Variants in CYP1A2 observed in about 807,000 individuals in gnomAD.
CYP1A2 encodes cytochrome P450 1A2.
Under a neutral mutation model 34.7 loss-of-function variants are expected in CYP1A2, and 35 were observed. The ratio of observed to expected loss-of-function variants is 1.01; its 90% CI spans 0.77 to 1.34. The LOEUF (loss-of-function observed/expected upper bound fraction) is 1.34, where lower values mean the gene tolerates loss of function less well. Ranked by LOEUF, CYP1A2 falls within the 40% of genes most tolerant of loss-of-function variation. CYP1A2 has a pLI of 0.00. For synonymous variants in CYP1A2, 288 were observed against 281.9 expected, an observed-to-expected ratio of 1.02 and a Z score of -0.22; for missense variants, 675 against 675.8, an observed-to-expected ratio of 1.00 and a Z score of 0.01.
chr15:74,754,902 G>A lies in CYP1A2; in HGVS notation c.1365G>A (p.Lys455=), dbSNP rs1327857313. The A allele has an allele frequency of 6.2e-7, 1 of 1,614,248 alleles. No individual in the cohort carries two copies. Among genetic ancestry groups the A allele is most frequent in the Non-Finnish European group, 8.5e-7 (1 of 1,180,058 alleles). ...AGATGATGCTGTTTGGCATGGGCAA[G>A]CGCCGGTGTATCGGGGAAGTCCTGG... ...SEKMMLFGMG[K]RRCIGEVLAK... Residue 455 remains lysine, a synonymous_variant, in exon 7 of 7, where the codon AAG becomes AAA. Coordinates refer to ENST00000343932, the MANE Select transcript of CYP1A2 (RefSeq NM_000761.5).
At position 74,753,173 on chromosome 15, in the gene CYP1A2, TC is replaced by T. The variant is rs2063324248; in HGVS notation, c.1167-8del. The T allele has an allele frequency of 2.5e-6, 4 of 1,612,314 alleles. No individual in the cohort carries two copies. The East Asian group carries it at 8.9e-5, about 36-fold the overall frequency. On this transcript the variant is annotated splice_polypyrimidine_tract_variant and intron_variant, in intron 5 of 6. Coordinates refer to ENST00000343932, the MANE Select transcript of CYP1A2 (RefSeq NM_000761.5). Reference sequence around the variant, plus strand: ...AGCCCTGAGCCTCACAGTGCCCTCTTCCCTCCTCAGCACAACAAGGGACACA... The same window carrying T: ...AGCCCTGAGCCTCACAGTGCCCTCTTCCTCCTCAGCACAACAAGGGACACA...
rs2063338927 is a variant in CYP1A2 at position 74,756,561 on chromosome 15, G to A, written c.*1473G>A. Reference sequence around the variant, plus strand: ...ATCTACTTTCTGTGTCTATGGATTTGCCTTCTCTAAACATTTCATATAAAT... The same window carrying A: ...ATCTACTTTCTGTGTCTATGGATTTACCTTCTCTAAACATTTCATATAAAT... On this transcript the variant is annotated 3_prime_UTR_variant, in exon 7 of 7. Coordinates refer to ENST00000343932, the MANE Select transcript of CYP1A2 (RefSeq NM_000761.5). 6.6e-6 allele frequency among the ~76,000 whole-genome samples: 1 copy of A among 152,124 alleles called. No individual in the cohort carries two copies. The highest frequency in any genetic ancestry group is 2.4e-5 in the African/African-American group (1 of 41,410).
In CYP1A2 at chr15:74,749,691, T is replaced by C. The variant is rs1331134055; in HGVS notation, c.-9-39T>C. 4 of 1,448,122 alleles carry C rather than the reference T, an allele frequency of 2.8e-6. No homozygotes were observed. The South Asian group carries it at 5.5e-5, about 20-fold the overall frequency. The allele number at this position is 1,448,122 out of a possible 1,614,324, so 89.7% of individuals were successfully genotyped here. A position where few individuals can be genotyped will look rare whatever the true frequency, so the allele number is the denominator to read the frequency against. ...GGAAATGAATGAATGAATGTCTCCA[T>C]CTCAACCCTCAGCCTGGTCCCTCCT... On this transcript the variant is annotated intron_variant, in intron 1 of 6. Coordinates refer to ENST00000343932, the MANE Select transcript of CYP1A2 (RefSeq NM_000761.5).
Position 74,752,186 on chromosome 15 carries a change from G to A in CYP1A2, c.1105G>A (p.Glu369Lys). ...TGACAGACCCCAGCTGCCCTACTTG[G>A]AGGCCTTCATCCTGGAGACCTTCCG... Reference protein sequence around the residue: ...LSDRPQLPYLEAFILETFRHS... With the variant: ...LSDRPQLPYLKAFILETFRHS... The change falls in exon 5 of 7, where the codon GAG becomes AAG. Residue 369 changes from glutamate to lysine, a missense_variant. Glu to Lys is a moderately conservative substitution (Grantham distance 56). Coordinates refer to ENST00000343932, the MANE Select transcript of CYP1A2 (RefSeq NM_000761.5). 1 of 1,614,016 alleles carries A rather than the reference G, an allele frequency of 6.2e-7. No homozygotes were observed. Among genetic ancestry groups the A allele is most frequent in the African/African-American group, 1.3e-5 (1 of 74,976 alleles).
At chr15:74,751,642 G>A (rs2063315916) in intron 3 of CYP1A2, 123 bp from the exon 4 acceptor site, 2 of 1,002,670 alleles carry the variant, frequency 2.0e-6, no homozygotes, top group Non-Finnish European at 3.0e-6. Flanking sequence ...TCTGTCTTCA[G>A]GAAACTCACA....
chr15:74,749,663 T>C, intron 1 of CYP1A2, 67 bp from the exon 2 acceptor site: 4 of 1,304,182 alleles, frequency 3.1e-6, no homozygotes, highest in Non-Finnish European at 4.2e-6. Flanking sequence ...ATCAAATGAC[T>C]GAGGAAATGA....
At chr15:74,749,056 G>A (rs2141735710) in intron 1 of CYP1A2, among the ~76,000 whole-genome samples, 159 bp downstream of exon 1, 1 of 152,306 alleles carries the variant, frequency 6.6e-6, no homozygotes, top group South Asian at 2.1e-4. Context: ...GATTTTAAAT[G>A]AGCAGTTTGG....
chr15:74,752,985 A>G (rs1457258052), intron 5 of CYP1A2, among the ~76,000 whole-genome samples, 199 bp from the exon 6 acceptor site: 1 of 147,460 alleles, frequency 6.8e-6, no homozygotes, highest in Non-Finnish European at 1.5e-5. Context: ...AGAGAAGTTT[A>G]GTAAATACTT....
rs2063336952 is a variant in CYP1A2 at position 74,756,101 on chromosome 15, C to T, written c.*1013C>T. 1 of 148,484 alleles carries T rather than the reference C, an allele frequency of 6.7e-6. No homozygotes were observed. The highest frequency in any genetic ancestry group is 6.8e-5 in the Admixed American group (1 of 14,660). 9.2% of individuals were successfully genotyped at this position (148,484 alleles called of 1,614,324 possible). On this transcript the variant is annotated 3_prime_UTR_variant, in exon 7 of 7. Coordinates refer to ENST00000343932, the MANE Select transcript of CYP1A2 (RefSeq NM_000761.5). ...AAGTGCTGGGATTAACAGGTATGAA[C>T]CACCGCGCCCAGCCTTTTTGTTTTT...
chr15:74,752,390 G>T, intron 5 of CYP1A2, 143 bp downstream of exon 5: 1 of 1,186,318 alleles, frequency 8.4e-7, no homozygotes, highest in South Asian at 1.5e-5. Context: ...CCCCCATCCA[G>T]TCCAAACATA....
chr15:74,750,716 C>A, intron 2 of CYP1A2, 147 bp downstream of exon 2: 1 of 665,192 alleles, frequency 1.5e-6, no homozygotes, highest in Non-Finnish European at 2.5e-6. Context: ...TGACCTGGAG[C>A]CGACTCTTCC....
At chr15:74,749,618 G>T in intron 1 of CYP1A2, 112 bp from the exon 2 acceptor site, 1 of 900,054 alleles carries the variant, frequency 1.1e-6, no homozygotes. Flanking sequence ...CTGGTATCCA[G>T]CTGGGAGCCA....
Position 74,751,766 on chromosome 15 carries a change from A to T in CYP1A2, c.954A>T (p.Gly318=). ...CTCACCTTACACTACACGGTTCAGG[A>T]TTTGACACAGTCACCACAGCCATCT... ...VNLVNDIFGA[G]FDTVTTAISW... The change falls in exon 4 of 7, where the codon GGA becomes GGT. Residue 318 remains glycine (G), a splice_region_variant and synonymous_variant. Coordinates refer to ENST00000343932, the MANE Select transcript of CYP1A2 (RefSeq NM_000761.5). The T allele has an allele frequency of 6.2e-7, 1 of 1,613,876 alleles. No homozygotes were observed. The highest frequency in any genetic ancestry group is 1.3e-5 in the African/African-American group (1 of 75,006).
intron 6 of CYP1A2, among the ~76,000 whole-genome samples, chr15:74,754,539 T>G (rs1232045231): frequency 1.4e-5 from 2 of 143,290 alleles, no homozygotes; most frequent in Non-Finnish European, 3.0e-5. Flanking sequence ...GCAGAGAGAG[T>G]GCAGTGAGCT....
chr15:74,751,703 G>C, intron 3 of CYP1A2, 62 bp from the exon 4 acceptor site: 6 of 1,514,964 alleles, frequency 4.0e-6, no homozygotes, highest in Non-Finnish European at 5.5e-6. Flanking sequence ...CAGATACTTG[G>C]GAAATGATGG....
intron 6 of CYP1A2, among the ~76,000 whole-genome samples, chr15:74,753,715 C>T (rs182309346): frequency 3.4e-4 from 49 of 143,626 alleles, no homozygotes; most frequent in African/African-American, 9.9e-4. Flanking sequence ...GCCTGGGTGA[C>T]GGAGTGAGAC....
In CYP1A2 at chr15:74,755,379, A is replaced by AC. The variant is rs1226676958; in HGVS notation, c.*291_*292insC. ...AAAAAAAACAAACAAACAAAAAAAAAACCATATATATACATATATATATAG... is the reference window on the plus strand; with the variant it reads ...AAAAAAAACAAACAAACAAAAAAAAACACCATATATATACATATATATATAG... On this transcript the variant is annotated 3_prime_UTR_variant, in exon 7 of 7. Coordinates refer to ENST00000343932, the MANE Select transcript of CYP1A2 (RefSeq NM_000761.5). The AC allele has an allele frequency of 1.1e-4, 29 of 275,352 alleles. No individual in the cohort carries two copies. Among genetic ancestry groups the AC allele is most frequent in the Admixed American group, 7.0e-4 (14 of 20,026 alleles). The allele number at this position is 275,352 out of a possible 1,614,324, so 17.1% of individuals were successfully genotyped here.
At chr15:74,754,748 C>T (rs28399423) in intron 6 of CYP1A2, 43 bp from the exon 7 acceptor site, 33,201 of 1,582,954 alleles carry the variant, frequency 0.021, 377 homozygotes, top group Non-Finnish European at 0.023. Context: ...CCTCCCAGGG[C>T]CTCTCCAGCC....
chr15:74,755,240 G>A lies in CYP1A2; in HGVS notation c.*152G>A. 1 of 868,426 alleles carries A rather than the reference G, an allele frequency of 1.2e-6. No individual in the cohort carries two copies. Among genetic ancestry groups the A allele is most frequent in the Non-Finnish European group, 1.7e-6 (1 of 586,972 alleles). 53.8% of individuals were successfully genotyped at this position (868,426 alleles called of 1,614,324 possible). A position where few individuals can be genotyped will look rare whatever the true frequency, so the allele number is the denominator to read the frequency against. ...AGCATTTTAGGAGGCCAAGGTTGGA[G>A]GATCATTTGAGCCCAGGAATTGGAA... is the stretch of plus-strand genomic sequence containing the variant. On this transcript the variant is annotated 3_prime_UTR_variant, in exon 7 of 7. Transcript: ENST00000343932.
Sources: gnomAD v4.1 joint callset for allele counts (sites outside exome capture counted in the v4.1 genomes callset) on GRCh38, gnomAD v4.1.1 for gene constraint, MANE v1.5 for transcripts, NCBI Gene and HGNC (gene_info 2026-07-23, HGNC 2026-07-21) for gene names.